Variants in STK31 observed in about 807,000 individuals in gnomAD.
STK31 encodes the protein serine/threonine-protein kinase 31.
Under a neutral mutation model 129.7 loss-of-function variants are expected in STK31, and 89 were observed. The ratio of observed to expected loss-of-function variants is 0.69; its 90% confidence interval spans 0.58 to 0.82. STK31 has a LOEUF of 0.82. STK31 is among the 40% of genes least tolerant of loss of function. STK31 has a pLI of 0.00. For synonymous variants in STK31, 448 were observed against 395.3 expected (o/e 1.13, Z -1.58); for missense variants, 1,187 against 1,176.4 (o/e 1.01, Z -0.13).
chr7:23,807,574 G>T (rs185289205), intron 22 of STK31, among the ~76,000 whole-genome samples: 1 of 151,992 alleles, frequency 6.6e-6, no homozygotes, highest in Non-Finnish European at 1.5e-5. Context: ...CAGCCTGTGG[G>T]CTTATGTTTT....
At chr7:23,827,636 T>C (rs551808170) in intron 23 of STK31, among the ~76,000 whole-genome samples, 110 of 152,358 alleles carry the variant, frequency 7.2e-4, no homozygotes, top group African/African-American at 2.4e-3. Flanking sequence ...CAGTTGCTGG[T>C]GAGGAGCTGC....
chr7:23,829,108 A>C (rs2128134039), intron 23 of STK31, among the ~76,000 whole-genome samples: 1 of 151,224 alleles, frequency 6.6e-6, no homozygotes, highest in African/African-American at 2.4e-5. Context: ...ACGAGGTTTC[A>C]CTGTGTTGGT....
At chr7:23,780,852 A>G (rs139897965) in intron 15 of STK31, among the ~76,000 whole-genome samples, 1 of 152,308 alleles carries the variant, frequency 6.6e-6, no homozygotes, top group African/African-American at 2.4e-5. Flanking sequence ...TAGCTATCTT[A>G]TTTAGGAATA....
chr7:23,802,680 A>C (rs751485207), intron 22 of STK31, among the ~76,000 whole-genome samples: 21 of 152,134 alleles, frequency 1.4e-4, no homozygotes, highest in South Asian at 4.2e-4. Flanking sequence ...CACTCGGCTA[A>C]TTTTTGTATT....
chr7:23,779,716 T>C (rs527947412), intron 15 of STK31, among the ~76,000 whole-genome samples: 97 of 152,272 alleles, frequency 6.4e-4, no homozygotes, highest in African/African-American at 2.2e-3. Flanking sequence ...CAGGTTGACT[T>C]CAGACTGCCA....
At chr7:23,714,037 GC>G (rs1412044070) in intron 3 of STK31, among the ~76,000 whole-genome samples, 3 of 152,006 alleles carry the variant, frequency 2.0e-5, no homozygotes, top group Non-Finnish European at 2.9e-5. Flanking sequence ...TGTTACAATG[GC>G]TAGGACTACA....
intron 20 of STK31, 135 bp from the exon 21 acceptor site, chr7:23,787,845 A>G (rs1404203583): frequency 2.6e-6 from 2 of 756,520 alleles, no homozygotes; most frequent in Non-Finnish European, 3.9e-6. Flanking sequence ...GTCTTTCTCT[A>G]TGCTGTATTC....
chr7:23,728,959 T>G (rs779415705), intron 5 of STK31, 132 bp from the exon 6 acceptor site: 2 of 666,918 alleles, frequency 3.0e-6, no homozygotes, highest in African/African-American at 1.9e-5. Flanking sequence ...TGTTTCTGAA[T>G]GTATTTTGTC....
chr7:23,821,404 C>G (rs1793775564), intron 23 of STK31, among the ~76,000 whole-genome samples: 1 of 152,032 alleles, frequency 6.6e-6, no homozygotes, highest in African/African-American at 2.4e-5. Context: ...ATTTGCATTT[C>G]TCTGATGATT....
At chr7:23,713,808 G>A (rs1584311319) in intron 3 of STK31, among the ~76,000 whole-genome samples, 1 of 151,872 alleles carries the variant, frequency 6.6e-6, no homozygotes, top group Non-Finnish European at 1.5e-5. Context: ...TGAGGCGGCT[G>A]TACAGTTAAC....
intron 23 of STK31, among the ~76,000 whole-genome samples, chr7:23,823,603 T>A (rs957175673): frequency 2.0e-5 from 3 of 152,208 alleles, no homozygotes; most frequent in Non-Finnish European, 4.4e-5. Context: ...TTAGTTTAAT[T>A]AGATCCCATT....
chr7:23,753,912 T>G (rs1037957397), intron 9 of STK31, among the ~76,000 whole-genome samples: 1 of 152,204 alleles, frequency 6.6e-6, no homozygotes, highest in African/African-American at 2.4e-5. Flanking sequence ...CCTATGATAC[T>G]ATGGGTTTCT....
chr7:23,793,583 AG>A (rs1791771585), intron 22 of STK31, among the ~76,000 whole-genome samples: 2 of 152,228 alleles, frequency 1.3e-5, no homozygotes, highest in Admixed American at 1.3e-4. Flanking sequence ...ATATTTGAAC[AG>A]GTACTTTACC....
intron 3 of STK31, among the ~76,000 whole-genome samples, chr7:23,713,627 T>A (rs560099622): frequency 6.6e-5 from 10 of 151,744 alleles, no homozygotes; most frequent in African/African-American, 2.4e-4. Context: ...AAACTTTTAA[T>A]TTTTTTTTAC....
At chr7:23,780,513 GAGAC>G (rs1790856719) in intron 15 of STK31, among the ~76,000 whole-genome samples, 1 of 152,168 alleles carries the variant, frequency 6.6e-6, no homozygotes, top group African/African-American at 2.4e-5. Flanking sequence ...GAGTAGATAA[GAGAC>G]AGATGGTTTG....
At chr7:23,743,305 C>A (rs1788163880) in intron 8 of STK31, among the ~76,000 whole-genome samples, 1 of 152,140 alleles carries the variant, frequency 6.6e-6, no homozygotes, top group Non-Finnish European at 1.5e-5. Context: ...TATTGCCCTC[C>A]CTTAAGCATC....
At chr7:23,789,214 T>TC (rs1791475452) in intron 21 of STK31, among the ~76,000 whole-genome samples, 2 of 122,838 alleles carry the variant, frequency 1.6e-5, no homozygotes, top group Non-Finnish European at 3.7e-5. Flanking sequence ...TGCTGGACAT[T>TC]TGGTTGTTTA....
intron 22 of STK31, among the ~76,000 whole-genome samples, chr7:23,796,938 C>CAAAA (rs148242178): frequency 6.8e-6 from 1 of 147,432 alleles, no homozygotes. Context: ...TAATGGAAAG[C>CAAAA]AAAAAAAAAA....
intron 4 of STK31, among the ~76,000 whole-genome samples, chr7:23,718,862 A>G (rs544760808): frequency 5.9e-5 from 9 of 152,212 alleles, no homozygotes; most frequent in African/African-American, 2.2e-4. Flanking sequence ...ACATATATCT[A>G]GAGTAGAATT....
Sources: allele counts gnomAD v4.1 joint callset (sites outside exome capture counted in the v4.1 genomes callset), GRCh38; gene constraint gnomAD v4.1.1; transcripts MANE v1.5; gene names NCBI Gene and HGNC (gene_info 2026-07-23, HGNC 2026-07-21).